MYH14: variants seen among roughly 807,000 people sequenced by gnomAD.
MYH14 encodes myosin heavy chain 14, also known as myosin-14.
In MYH14, 123 loss-of-function variants were observed where a neutral mutation model predicts 255.5. The observed-to-expected ratio is 0.48, with a 90% CI of 0.42 to 0.56. MYH14 has a LOEUF of 0.56. Among genes scored for constraint, MYH14 ranks in the 20% least tolerant of loss-of-function variants. The pLI, the probability that MYH14 is intolerant of heterozygous loss-of-function variation, is 0.00. For missense variants in MYH14, 2,423 were observed against 2,802.3 expected, an observed-to-expected ratio of 0.86 and a Z score of 3.06; for synonymous variants, 1,095 against 1,161.2, an observed-to-expected ratio of 0.94 and a Z score of 1.16.
At chr19:50,223,826 G>A (rs890116674) in intron 5 of MYH14, among the ~76,000 whole-genome samples, 1 of 152,168 alleles carries the variant, frequency 6.6e-6, no homozygotes, top group Admixed American at 6.5e-5. Context: ...GGTACAGTGA[G>A]GCCGGGCACA....
rs1270544345 is a variant in MYH14 at position 50,271,411 on chromosome 19, G to A, written c.3036G>A (p.Glu1012=). The A allele has an allele frequency of 6.2e-7, 1 of 1,601,494 alleles. No homozygotes were observed. ...CTCCTCCTGCCTTCCCACCCCAGGA[G>A]CTAGAGGCCCACCTTGAGGCTGAGG... ...EKKRLQQHIQ[E]LEAHLEAEEG... is the part of the protein sequence containing the mutation. Residue 1012 remains glutamate, a splice_region_variant and synonymous_variant, in exon 25 of 43, where the codon GAG becomes GAA. Coordinates refer to ENST00000642316, the MANE Select transcript of MYH14 (RefSeq NM_001145809.2).
At chr19:50,231,823 C>T in intron 9 of MYH14, 107 bp from the exon 10 acceptor site, 1 of 1,495,724 alleles carries the variant, frequency 6.7e-7, no homozygotes, top group Admixed American at 1.8e-5. Context: ...CCCCCACCCA[C>T]TTGACAGTGA....
chr19:50,269,383 T>A (rs2035212309), intron 24 of MYH14, among the ~76,000 whole-genome samples: 1 of 152,136 alleles, frequency 6.6e-6, no homozygotes, highest in African/African-American at 2.4e-5. Flanking sequence ...GGTTTCAGTA[T>A]GTTGGCCAGG....
intron 10 of MYH14, among the ~76,000 whole-genome samples, chr19:50,242,033 A>G (rs2033911744): frequency 6.6e-6 from 1 of 152,254 alleles, no homozygotes; most frequent in African/African-American, 2.4e-5. Context: ...TTTGTTGCAG[A>G]TAATTACAAA....
chr19:50,272,214 G>A (rs969292632), intron 26 of MYH14, among the ~76,000 whole-genome samples: 1 of 152,162 alleles, frequency 6.6e-6, no homozygotes, highest in African/African-American at 2.4e-5. Flanking sequence ...CCCACTGTCT[G>A]TCTGTTTCAG....
intron 34 of MYH14, among the ~76,000 whole-genome samples, chr19:50,287,594 G>T (rs1240916045): frequency 6.6e-6 from 1 of 151,582 alleles, no homozygotes; most frequent in Non-Finnish European, 1.5e-5. Context: ...TAAATTTTTT[G>T]TGGAGATGGG....
chr19:50,230,111 C>T lies in MYH14; in HGVS notation c.875-414C>T, dbSNP rs1156960959. On this transcript the variant is annotated intron_variant, in intron 8 of 42. Coordinates refer to ENST00000642316, the MANE Select transcript of MYH14 (RefSeq NM_001145809.2). The surrounding 1 kb of genome is among the most constrained non-coding windows in gnomAD (Gnocchi z 4.7). ...TATTTTTAGTAGAGATGGGATTTTG[C>T]CATGTTGGCCAGGCTGGTCTTGAAC... is the stretch of plus-strand genomic sequence containing the variant. 1.3e-5 allele frequency among the ~76,000 whole-genome samples: 2 copies of T among 152,122 alleles called. No homozygotes were observed. Among genetic ancestry groups the T allele is most frequent in the Non-Finnish European group, 2.9e-5 (2 of 68,026 alleles).
intron 6 of MYH14, among the ~76,000 whole-genome samples, chr19:50,225,340 GTTTT>G (rs1049177912): frequency 6.6e-6 from 1 of 152,084 alleles, no homozygotes; most frequent in African/African-American, 2.4e-5. Context: ...TCTGCAACTT[GTTTT>G]TTTGTTTGGC....
In MYH14 at chr19:50,268,343, G is replaced by A; in HGVS notation, c.3009G>A (p.Lys1003=). The A allele has an allele frequency of 6.3e-7, 1 of 1,582,008 alleles. No individual in the cohort carries two copies. Among genetic ancestry groups the A allele is most frequent in the Non-Finnish European group, 8.6e-7 (1 of 1,165,074 alleles). The stretch of plus-strand genomic sequence containing the variant: ...GCAGCCGTCAAATGCAAACCGAGAA[G>A]AAGAGGCTGCAGCAGCACATACAGG... ...EECSRQMQTE[K]KRLQQHIQEL... is the part of the protein sequence containing the mutation. The change falls in exon 24 of 43, where the codon AAG becomes AAA. Residue 1003 remains lysine (K), a synonymous_variant. Coordinates refer to ENST00000642316, the MANE Select transcript of MYH14 (RefSeq NM_001145809.2).
At chr19:50,257,243 G>A in intron 17 of MYH14, 56 bp from the exon 18 acceptor site, 1 of 1,457,862 alleles carries the variant, frequency 6.9e-7, no homozygotes, top group Non-Finnish European at 9.2e-7. Flanking sequence ...TTTGGCCCAG[G>A]TCCCTAAAAC....
At chr19:50,283,406 T>TA (rs1221225830) in intron 33 of MYH14, among the ~76,000 whole-genome samples, 1 of 152,230 alleles carries the variant, frequency 6.6e-6, no homozygotes, top group African/African-American at 2.4e-5. Flanking sequence ...AGGAGTAAGC[T>TA]ACCGCACCCA....
At chr19:50,268,015 G>C in intron 23 of MYH14, 146 bp from the exon 24 acceptor site, 4 of 961,414 alleles carry the variant, frequency 4.2e-6, no homozygotes, top group African/African-American at 1.6e-5. Flanking sequence ...CTGAGGGGGA[G>C]GAGGTGGGGA....
intron 3 of MYH14, among the ~76,000 whole-genome samples, chr19:50,220,666 C>T (rs1363691792): frequency 2.0e-5 from 3 of 152,002 alleles, no homozygotes; most frequent in Admixed American, 1.3e-4. Flanking sequence ...CATTGTCCTG[C>T]CTCAGCCTCC....
At chr19:50,242,035 A>C (rs1354577023) in intron 10 of MYH14, among the ~76,000 whole-genome samples, 1 of 152,234 alleles carries the variant, frequency 6.6e-6, no homozygotes, top group Non-Finnish European at 1.5e-5. Context: ...TGTTGCAGAT[A>C]ATTACAAACC....
chr19:50,250,779 C>A lies in MYH14; in HGVS notation c.1830+91C>A. On this transcript the variant is annotated intron_variant, in intron 15 of 42. Transcript: ENST00000642316. This position sits in a 1 kb window ranked among gnomAD's most constrained non-coding sequence, Gnocchi z 5.4. Reference sequence around the variant, plus strand: ...ATGGGGGGAGGGTGCAGAGGGAAAACAGGGTCCTCCTGAGGTCCAGACAAA... The same window carrying A: ...ATGGGGGGAGGGTGCAGAGGGAAAAAAGGGTCCTCCTGAGGTCCAGACAAA... The A allele has an allele frequency of 7.4e-7, 1 of 1,357,362 alleles. No homozygotes were observed. Among genetic ancestry groups the A allele is most frequent in the Non-Finnish European group, 1.0e-6 (1 of 985,416 alleles). 84.1% of individuals were successfully genotyped at this position (1,357,362 alleles called of 1,614,324 possible). A position where few individuals can be genotyped will look rare whatever the true frequency, so the allele number is the denominator to read the frequency against.
intron 39 of MYH14, among the ~76,000 whole-genome samples, chr19:50,297,032 C>T (rs1404780590): frequency 1.3e-5 from 2 of 152,064 alleles, no homozygotes; most frequent in Non-Finnish European, 2.9e-5. Context: ...GTCACCCAGA[C>T]TGGAGTGCCG....
intron 3 of MYH14, among the ~76,000 whole-genome samples, chr19:50,222,404 C>T (rs955010232): frequency 1.4e-5 from 2 of 145,962 alleles, no homozygotes; most frequent in African/African-American, 2.5e-5. Flanking sequence ...GGCGTGAACC[C>T]GAGAGGCAGA....
chr19:50,239,230 G>T (rs2033794438), intron 10 of MYH14, among the ~76,000 whole-genome samples: 1 of 152,160 alleles, frequency 6.6e-6, no homozygotes, highest in Admixed American at 6.5e-5. Context: ...TGTTGGTCAG[G>T]CTGGTCTCGA....
At position 50,310,038 on chromosome 19, in the gene MYH14, G is replaced by T; in HGVS notation, c.*248G>T. ...AGCTACCTTGCTTGTTGGGGGACTG[G>T]GTACAGTTGGCAAGCTGTGTTTCCA... On this transcript the variant is annotated 3_prime_UTR_variant, in exon 43 of 43. Transcript: ENST00000642316. The T allele has an allele frequency of 1.7e-6, 1 of 598,514 alleles. No homozygotes were observed. The highest frequency in any genetic ancestry group is 3.0e-6 in the Non-Finnish European group (1 of 337,898). 37.1% of individuals were successfully genotyped at this position (598,514 alleles called of 1,614,324 possible).
Sources: gnomAD v4.1 joint callset for allele counts (sites outside exome capture counted in the v4.1 genomes callset) on GRCh38, gnomAD v4.1.1 for gene constraint, Gnocchi (gnomAD v3.1) non-coding constraint, MANE v1.5 for transcripts, NCBI Gene and HGNC (gene_info 2026-07-23, HGNC 2026-07-21) for gene names.